DENND6A: variants seen among roughly 807,000 people sequenced by gnomAD.
DENND6A encodes DENN domain containing 6A.
A neutral mutation model predicts 95.5 loss-of-function variants in DENND6A; 43 were observed. That is an observed-to-expected ratio of 0.45 (90% CI 0.35 to 0.58). The LOEUF is 0.58. Ranked by LOEUF, DENND6A falls within the 20% of genes least tolerant of loss-of-function variation. DENND6A has a pLI of 0.00. For missense variants in DENND6A, 574 were observed against 736.0 expected, an observed-to-expected ratio of 0.78 and a Z score of 2.55; for synonymous variants, 257 against 260.4, an observed-to-expected ratio of 0.99 and a Z score of 0.13.
chr3:57,655,651 T>C (rs1979183), intron 9 of DENND6A, among the ~76,000 whole-genome samples: 58,780 of 152,008 alleles, frequency 0.39, 12,713 homozygotes, highest in South Asian at 0.56. Context: ...GTTCAGGCTA[T>C]GTGTATAAGG....
chr3:57,692,920 C>G lies in DENND6A; in HGVS notation c.99G>C (p.Val33=), dbSNP rs1396031108. The part of the protein sequence containing the change: ...GAEGREAPAL[V]AAGGAPEDDE... ...CGTCCTCTGGCGCGCCTCCCGCCGC[C>G]ACAAGGGCCGGCGCCTCGCGGCCCT... Residue 33 remains valine (V), a synonymous_variant, in exon 1 of 20, where the codon GTG becomes GTC. Coordinates refer to ENST00000311128, the MANE Select transcript of DENND6A (RefSeq NM_152678.3). 1.3e-6 allele frequency: 2 copies of G among 1,568,018 alleles called. No homozygotes were observed. Among genetic ancestry groups the G allele is most frequent in the Non-Finnish European group, 1.7e-6 (2 of 1,163,010 alleles).
chr3:57,646,405 C>G lies in DENND6A; in HGVS notation c.852G>C (p.Met284Ile). The change falls in exon 10 of 20, where the codon ATG (methionine) becomes ATC (isoleucine). Residue 284 changes from methionine to isoleucine, a missense_variant. By Grantham distance (10) the Met-to-Ile change is conservative. This residue lies in a region of DENND6A where 452 missense variants were observed against 630.9 expected (regional missense o/e 0.72). Transcript: ENST00000311128. ...CFCPVFLHSQMLWELVLLGEP... is the reference protein window; with the variant it reads ...CFCPVFLHSQILWELVLLGEP... Reference sequence around the variant, plus strand: ...CCCCCAACAGCACCAGCTCCCAGAGCATCTGACTATGAAGGAAAACTGGGC... The same window carrying G: ...CCCCCAACAGCACCAGCTCCCAGAGGATCTGACTATGAAGGAAAACTGGGC... 1 of 1,613,944 alleles carries G rather than the reference C, an allele frequency of 6.2e-7. No individual in the cohort carries two copies. The highest frequency in any genetic ancestry group is 8.5e-7 in the Non-Finnish European group (1 of 1,179,966).
At chr3:57,645,564 A>C (rs2071061262) in intron 11 of DENND6A, 97 bp downstream of exon 11, 1 of 825,266 alleles carries the variant, frequency 1.2e-6, no homozygotes. Flanking sequence ...TCCTTTTATA[A>C]GATCATTCTG....
chr3:57,634,717 CAG>C lies in DENND6A; in HGVS notation c.1183_1184del (p.Leu395GlyfsTer11). On this transcript the variant is annotated frameshift_variant, in exon 13 of 20. Transcript: ENST00000311128. LOFTEE classifies it high-confidence loss of function. ...AAAAGTCAATACCAGGTTTGGAATC[CAG>C]AGTCTTTAGATTCTTCAGTTTTTTC... ...KVKKLKNLKTLDSKPGVYTSY... is the reference protein window; with the variant it reads ...KVKKLKNLKTXDSKPGVYTSY... 1 of 1,565,478 alleles carries C rather than the reference CAG, an allele frequency of 6.4e-7. No homozygotes were observed. Among genetic ancestry groups the C allele is most frequent in the Non-Finnish European group, 8.7e-7 (1 of 1,155,816 alleles).
chr3:57,671,110 T>C (rs2071608811), intron 3 of DENND6A, among the ~76,000 whole-genome samples: 1 of 152,114 alleles, frequency 6.6e-6, no homozygotes, highest in African/African-American at 2.4e-5. Flanking sequence ...CAAAGCTGAG[T>C]TCCAAATGGA....
chr3:57,673,409 C>A (rs2153416529), intron 1 of DENND6A, among the ~76,000 whole-genome samples: 1 of 151,714 alleles, frequency 6.6e-6, no homozygotes, highest in African/African-American at 2.4e-5. Context: ...TGGTAAGTTA[C>A]CAGAGGCTGG....
intron 4 of DENND6A, among the ~76,000 whole-genome samples, chr3:57,665,118 C>T (rs7621767): frequency 0.37 from 56,657 of 151,912 alleles, 12,329 homozygotes; most frequent in South Asian, 0.56. Flanking sequence ...ATATGGCACA[C>T]ATAGAAAGGA....
chr3:57,644,820 G>A (rs2071041778), intron 11 of DENND6A, among the ~76,000 whole-genome samples: 1 of 105,918 alleles, frequency 9.4e-6, no homozygotes, highest in Non-Finnish European at 1.9e-5. Context: ...GGAGGGGAGG[G>A]GGAAAGACAG....
At chr3:57,653,622 T>C (rs1214482303) in intron 9 of DENND6A, among the ~76,000 whole-genome samples, 1 of 151,742 alleles carries the variant, frequency 6.6e-6, no homozygotes, top group Non-Finnish European at 1.5e-5. Flanking sequence ...GGCACAAGCC[T>C]GTAGTCCCAG....
At chr3:57,651,689 CA>C (rs370393395) in intron 9 of DENND6A, among the ~76,000 whole-genome samples, 4,058 of 137,452 alleles carry the variant, frequency 0.03, 68 homozygotes, top group Non-Finnish European at 0.039. Flanking sequence ...ATTTAATTAC[CA>C]AAAAAAAAAA....
chr3:57,640,141 C>T (rs993063272), intron 12 of DENND6A, among the ~76,000 whole-genome samples: 4 of 151,100 alleles, frequency 2.6e-5, no homozygotes, highest in Non-Finnish European at 5.9e-5. Flanking sequence ...TGGTGGTGGG[C>T]GCCTGTAATC....
chr3:57,680,528 G>A (rs1349270921), intron 1 of DENND6A, among the ~76,000 whole-genome samples: 5 of 152,150 alleles, frequency 3.3e-5, no homozygotes, highest in Non-Finnish European at 1.5e-5. Context: ...CCCCATATCA[G>A]CCAGTACCTT....
chr3:57,646,997 G>T (rs1344326254), intron 9 of DENND6A, among the ~76,000 whole-genome samples: 1 of 152,162 alleles, frequency 6.6e-6, no homozygotes, highest in African/African-American at 2.4e-5. Flanking sequence ...GTGGAGGCCT[G>T]TTGGGACACA....
chr3:57,651,245 T>C (rs2071203793), intron 9 of DENND6A, among the ~76,000 whole-genome samples: 1 of 152,234 alleles, frequency 6.6e-6, no homozygotes, highest in African/African-American at 2.4e-5. Context: ...GATAAGCCCA[T>C]TGTAAACTGA....
intron 9 of DENND6A, among the ~76,000 whole-genome samples, chr3:57,650,870 C>T (rs893642559): frequency 1.3e-5 from 2 of 151,732 alleles, no homozygotes; most frequent in Admixed American, 6.6e-5. Context: ...CCACAACCTC[C>T]GCCTCCCAGA....
intron 12 of DENND6A, among the ~76,000 whole-genome samples, chr3:57,636,628 G>T (rs1489030049): frequency 6.6e-6 from 1 of 152,078 alleles, no homozygotes; most frequent in Non-Finnish European, 1.5e-5. Context: ...TAACAGTTAA[G>T]CCAACTTGTA....
At position 57,674,234 on chromosome 3, in the gene DENND6A, G is replaced by A. The variant is rs534503940; in HGVS notation, c.238-1796C>T. Among the ~76,000 whole-genome samples the A allele has an allele frequency of 5.3e-5, 8 of 152,170 alleles. No homozygotes were observed. In the South Asian group the frequency reaches 1.2e-3, roughly 24 times the overall value. On this transcript the variant is annotated intron_variant, in intron 1 of 19. Coordinates refer to ENST00000311128, the MANE Select transcript of DENND6A (RefSeq NM_152678.3). The stretch of plus-strand genomic sequence containing the variant: ...AAAAATACAAAAAAATTAGCTGGGC[G>A]TGGTGGCGTGTGCCTGTAGTCCCAG...
At chr3:57,692,171 T>TG (rs2153417980) in intron 1 of DENND6A, among the ~76,000 whole-genome samples, 1 of 135,236 alleles carries the variant, frequency 7.4e-6, no homozygotes, top group East Asian at 2.1e-4. Flanking sequence ...GAGGTTGCGG[T>TG]GAGCCAAGAT....
intron 1 of DENND6A, among the ~76,000 whole-genome samples, chr3:57,677,194 C>G (rs576701052): frequency 2.5e-4 from 38 of 152,242 alleles, no homozygotes; most frequent in Non-Finnish European, 4.4e-4. Flanking sequence ...AAACTATTTC[C>G]CATTGATATG....
Sources: allele counts gnomAD v4.1 joint callset (sites outside exome capture counted in the v4.1 genomes callset), GRCh38; gene constraint gnomAD v4.1.1; regional missense constraint gnomAD v4.1.1; transcripts MANE v1.5; gene names NCBI Gene and HGNC (gene_info 2026-07-23, HGNC 2026-07-21).